The following EMSY variants were observed in gnomAD, a reference collection of about 807,000 sequenced individuals.
EMSY encodes the protein BRCA2-interacting transcriptional repressor EMSY.
Under a neutral mutation model 134.6 loss-of-function variants are expected in EMSY, and 26 were observed. The ratio of observed to expected loss-of-function variants is 0.19; its 90% CI spans 0.14 to 0.27. EMSY has a LOEUF of 0.27. Ranked by LOEUF, EMSY falls within the 10% of genes least tolerant of loss-of-function variation. EMSY has a pLI of 1.00. For synonymous variants in EMSY, 579 were observed against 577.8 expected (o/e 1.00, Z -0.03); for missense variants, 1,305 against 1,611.4 (o/e 0.81, Z 3.26).
intron 8 of EMSY, among the ~76,000 whole-genome samples, chr11:76,479,168 C>T (rs76173730): frequency 0.017 from 2,592 of 152,156 alleles, 51 homozygotes; most frequent in East Asian, 0.093. Context: ...TTAACCAGTA[C>T]AGTTTGATCA....
At chr11:76,543,134 C>G (rs1951508683) in intron 18 of EMSY, among the ~76,000 whole-genome samples, 1 of 152,162 alleles carries the variant, frequency 6.6e-6, no homozygotes, top group Non-Finnish European at 1.5e-5. Flanking sequence ...CCAAAGTGAA[C>G]TGCCTCTGTT....
chr11:76,513,655 G>T, intron 10 of EMSY, 120 bp downstream of exon 11: 1 of 1,085,986 alleles, frequency 9.2e-7, no homozygotes, highest in Non-Finnish European at 1.3e-6. Flanking sequence ...TTTCAAAGAG[G>T]CCTTTCTTGA....
chr11:76,496,339 G>C (rs2135806032), exon 9 of EMSY: 1 of 1,614,160 alleles, frequency 6.2e-7, no homozygotes, highest in South Asian at 1.1e-5. Flanking sequence ...CTAAGCAGCA[G>C]TTATATCAAG....
chr11:76,458,561 G>A, intron 5 of EMSY: 1 of 457,294 alleles, frequency 2.2e-6, no homozygotes, highest in Non-Finnish European at 3.6e-6. Flanking sequence ...TCGAAGGTGT[G>A]AATTATGTTA....
chr11:76,482,666 C>T (rs1041038006), intron 8 of EMSY, among the ~76,000 whole-genome samples: 3 of 151,606 alleles, frequency 2.0e-5, no homozygotes, highest in African/African-American at 7.3e-5. Flanking sequence ...TGAAGATCAA[C>T]GTAATGAAAT....
intron 8 of EMSY, 81 bp downstream of exon 9, chr11:76,472,921 CT>C: frequency 6.8e-7 from 1 of 1,466,442 alleles, no homozygotes; most frequent in South Asian, 1.2e-5. Context: ...TGTTTCTCTG[CT>C]TTGGATATGA....
chr11:76,464,221 C>T, intron 7 of EMSY, 141 bp downstream of exon 8: 1 of 1,073,586 alleles, frequency 9.3e-7, no homozygotes, highest in South Asian at 1.6e-5. Flanking sequence ...GTTTAATTTT[C>T]CAGATAAGGC....
At chr11:76,536,730 C>T (rs908009977) in intron 15 of EMSY, among the ~76,000 whole-genome samples, 2 of 152,024 alleles carry the variant, frequency 1.3e-5, no homozygotes. Flanking sequence ...TTTAAATGAC[C>T]TTAGCAATTA....
At chr11:76,497,674 T>C (rs1949708331) in intron 9 of EMSY, among the ~76,000 whole-genome samples, 2 of 152,122 alleles carry the variant, frequency 1.3e-5, no homozygotes, top group South Asian at 4.1e-4. Context: ...TTAATGGCTA[T>C]AGGATCGATA....
chr11:76,535,816 CA>C (rs1199962240), intron 14 of EMSY, 78 bp from the exon 16 acceptor site: 16 of 1,139,918 alleles, frequency 1.4e-5, no homozygotes, highest in African/African-American at 6.5e-5. Flanking sequence ...AGCAAACAGA[CA>C]AAAAAATTGT....
At chr11:76,539,269 C>T (rs1166767355) in intron 16 of EMSY, among the ~76,000 whole-genome samples, 1 of 152,050 alleles carries the variant, frequency 6.6e-6, no homozygotes, top group East Asian at 1.9e-4. Context: ...GTAGAGGACT[C>T]CTTTCTTAAG....
intron 20 of EMSY, among the ~76,000 whole-genome samples, chr11:76,548,895 C>T (rs1267338703): frequency 6.6e-6 from 1 of 152,120 alleles, no homozygotes; most frequent in African/African-American, 2.4e-5. Flanking sequence ...ATTTATTCAT[C>T]AAGTGTTTAT....
At chr11:76,448,573 A>G (rs959385083) in intron 2 of EMSY, among the ~76,000 whole-genome samples, 4 of 151,850 alleles carry the variant, frequency 2.6e-5, no homozygotes, top group Admixed American at 2.0e-4. Flanking sequence ...ATTTATTCCT[A>G]ATTTAATCAG....
chr11:76,542,413 T>C, intron 18 of EMSY, 46 bp downstream of exon 19: 3 of 1,580,032 alleles, frequency 1.9e-6, no homozygotes, highest in African/African-American at 1.3e-5. Context: ...CTGCCCATGC[T>C]TGAAATAAGA....
At chr11:76,477,321 A>C (rs1344455102) in intron 8 of EMSY, among the ~76,000 whole-genome samples, 2 of 149,352 alleles carry the variant, frequency 1.3e-5, no homozygotes, top group Non-Finnish European at 3.0e-5. Context: ...CATTTTGAAA[A>C]TTTTTGCTAA....
chr11:76,514,661 T>A (rs765892643), intron 10 of EMSY, among the ~76,000 whole-genome samples: 8 of 152,138 alleles, frequency 5.3e-5, no homozygotes, highest in Non-Finnish European at 1.2e-4. Flanking sequence ...TACATTCACA[T>A]TGTTGTATAA....
At chr11:76,519,398 C>T (rs1950568970) in intron 11 of EMSY, among the ~76,000 whole-genome samples, 1 of 152,136 alleles carries the variant, frequency 6.6e-6, no homozygotes, top group Non-Finnish European at 1.5e-5. Flanking sequence ...TATTTATTTA[C>T]ATGTGTATAC....
chr11:76,522,519 C>T (rs978899985), intron 11 of EMSY, among the ~76,000 whole-genome samples: 22 of 151,846 alleles, frequency 1.4e-4, no homozygotes, highest in African/African-American at 3.9e-4. Flanking sequence ...AGGCGCCCGC[C>T]GCCACCCCCA....
rs904860875 is a variant in EMSY at position 76,446,325 on chromosome 11, ATATATATATGTATATATATATGTG to A, written c.-39-565_-39-542del. Among the ~76,000 whole-genome samples the A allele has an allele frequency of 3.2e-4, 31 of 97,192 alleles. No individual in the cohort carries two copies. In the East Asian group the frequency reaches 6.0e-3, roughly 19 times the overall value. The allele number at this position is 97,192 out of a possible 152,430, so 63.8% of individuals were successfully genotyped here. ...AGTATATATATATGTGTGTGTGTGT[ATATATATATGTATATATATATGTG>A]TATATATATATATGTATGTATCGTT... is the stretch of plus-strand genomic sequence containing the variant. On this transcript the variant is annotated intron_variant, in intron 1 of 20. Coordinates refer to ENST00000334736, the Ensembl canonical transcript of EMSY.
Sources: gnomAD v4.1 joint callset for allele counts (sites outside exome capture counted in the v4.1 genomes callset) on GRCh38, gnomAD v4.1.1 for gene constraint, MANE v1.5 for transcripts, NCBI Gene and HGNC (gene_info 2026-07-23, HGNC 2026-07-21) for gene names.